ADAM23: variants seen among roughly 807,000 people sequenced by gnomAD.
ADAM23 encodes the protein disintegrin and metalloproteinase domain-containing protein 23.
Under a neutral mutation model 120.1 loss-of-function variants are expected in ADAM23, and 33 were observed. The observed-to-expected ratio is 0.27, with a 90% CI of 0.21 to 0.37. The LOEUF (loss-of-function observed/expected upper bound fraction) is 0.37, where lower values mean the gene tolerates loss of function less well. Among genes scored for constraint, ADAM23 ranks in the 10% least tolerant of loss-of-function variants. ADAM23 has a pLI of 1.00. For synonymous variants in ADAM23, 367 were observed against 375.2 expected, an observed-to-expected ratio of 0.98 and a Z score of 0.25; for missense variants, 862 against 1,058.2, an observed-to-expected ratio of 0.81 and a Z score of 2.57.
At position 206,617,906 on chromosome 2, in the gene ADAM23, C is replaced by T. The variant is rs1318029732; in HGVS notation, c.*279C>T. 6 of 374,468 alleles carry T rather than the reference C, an allele frequency of 1.6e-5. No individual in the cohort carries two copies. The highest frequency in any genetic ancestry group is 8.8e-5 in the South Asian group (1 of 11,398). The allele number at this position is 374,468 out of a possible 1,614,324, so 23.2% of individuals were successfully genotyped here. On this transcript the variant is annotated 3_prime_UTR_variant, in exon 26 of 26. Coordinates refer to ENST00000264377, the MANE Select transcript of ADAM23 (RefSeq NM_003812.4). ...CAGAATCTTTTTTTTCCCTAATGGACGAAGGAACAACACACACACAAAAAT... is the reference window on the plus strand; with the variant it reads ...CAGAATCTTTTTTTTCCCTAATGGATGAAGGAACAACACACACACAAAAAT...
intron 3 of ADAM23, among the ~76,000 whole-genome samples, chr2:206,523,035 A>T (rs1219255534): frequency 6.6e-6 from 1 of 152,128 alleles, no homozygotes; most frequent in Admixed American, 6.5e-5. Flanking sequence ...CCCTCCTCAG[A>T]AGGGAACTCT....
At chr2:206,553,197 G>A (rs2884767) in intron 9 of ADAM23, among the ~76,000 whole-genome samples, 54,050 of 151,906 alleles carry the variant, frequency 0.36, 9,992 homozygotes, top group Admixed American at 0.39. Context: ...GGCCAACATG[G>A]TGAAACCCCA....
intron 5 of ADAM23, among the ~76,000 whole-genome samples, chr2:206,542,663 G>T (rs1478808876): frequency 4.6e-5 from 7 of 152,160 alleles, no homozygotes; most frequent in African/African-American, 1.7e-4. Flanking sequence ...TTTCGGCCAT[G>T]TGACGACAAA....
intron 2 of ADAM23, among the ~76,000 whole-genome samples, chr2:206,453,657 G>A (rs1695240137): frequency 6.6e-6 from 1 of 152,180 alleles, no homozygotes; most frequent in Admixed American, 6.5e-5. Flanking sequence ...GCTAGATCCA[G>A]TTATGTTTTA....
At chr2:206,562,366 A>C in intron 13 of ADAM23, 73 bp downstream of exon 13, 1 of 1,118,668 alleles carries the variant, frequency 8.9e-7, no homozygotes, top group Non-Finnish European at 1.3e-6. Flanking sequence ...GTCAATAAAT[A>C]AATATTTTTC....
intron 18 of ADAM23, among the ~76,000 whole-genome samples, chr2:206,577,057 C>T (rs1056348691): frequency 3.9e-5 from 6 of 152,074 alleles, no homozygotes; most frequent in African/African-American, 1.4e-4. Context: ...ATCCAATGCT[C>T]CACTCATAAG....
Position 206,530,896 on chromosome 2 carries a change from C to T in ADAM23, c.521C>T (p.Ser174Phe). Residue 174 changes from serine (S) to phenylalanine (F), a missense_variant, in exon 4 of 26, where the codon TCT becomes TTT. This residue lies in a region of ADAM23 where 617 missense variants were observed against 813.5 expected (regional missense o/e 0.76). Transcript: ENST00000264377. ...TCTTTCCTTTGTAGTGGTTTGTTGT[C>T]TTCTGATTATGTGGAGATTCACTAC... ...LDLILNNGLL[S>F]SDYVEIHYEN... 1 of 1,613,656 alleles carries T rather than the reference C, an allele frequency of 6.2e-7. No homozygotes were observed. The highest frequency in any genetic ancestry group is 8.5e-7 in the Non-Finnish European group (1 of 1,179,830).
intron 15 of ADAM23, 56 bp from the exon 16 acceptor site, chr2:206,570,684 G>A: frequency 7.0e-7 from 1 of 1,421,290 alleles, no homozygotes; most frequent in Non-Finnish European, 9.9e-7. Flanking sequence ...CAGTTGATGT[G>A]CTGATTTTCT....
chr2:206,570,932 G>T, intron 16 of ADAM23, 121 bp downstream of exon 16: 1 of 801,394 alleles, frequency 1.2e-6, no homozygotes, highest in Non-Finnish European at 2.1e-6. Flanking sequence ...TCATCTCTCT[G>T]ATTAGTGCTT....
chr2:206,464,625 T>A (rs1019299412), intron 2 of ADAM23, among the ~76,000 whole-genome samples: 2 of 151,908 alleles, frequency 1.3e-5, no homozygotes, highest in African/African-American at 4.8e-5. Context: ...AATTTTGTGT[T>A]GAGGCAACAC....
intron 14 of ADAM23, among the ~76,000 whole-genome samples, chr2:206,565,933 A>G (rs1368215964): frequency 2.0e-5 from 3 of 152,072 alleles, no homozygotes; most frequent in African/African-American, 4.8e-5. Context: ...TGTGGGCATG[A>G]AGGTTTGCAC....
intron 2 of ADAM23, among the ~76,000 whole-genome samples, chr2:206,477,897 A>ATATATATATATAT (rs1553548673): frequency 6.7e-4 from 63 of 93,502 alleles, no homozygotes; most frequent in Middle Eastern, 6.0e-3. Flanking sequence ...AAAAAAAAAA[A>ATATATATATATAT]ATATATATAT....
intron 18 of ADAM23, among the ~76,000 whole-genome samples, chr2:206,574,475 T>G (rs545389767): frequency 3.3e-5 from 5 of 152,104 alleles, no homozygotes; most frequent in African/African-American, 1.2e-4. Flanking sequence ...TTAGTTATCT[T>G]TATATGATTT....
intron 16 of ADAM23, among the ~76,000 whole-genome samples, 173 bp from the exon 17 acceptor site, chr2:206,571,554 C>A (rs1169744817): frequency 1.3e-5 from 2 of 152,114 alleles, no homozygotes; most frequent in Non-Finnish European, 2.9e-5. Flanking sequence ...ACTTTGGTGA[C>A]AAGTATGGCA....
At position 206,585,375 on chromosome 2, in the gene ADAM23, A is replaced by G. The variant is rs541885202; in HGVS notation, c.1738-1950A>G. 1.1e-3 allele frequency among the ~76,000 whole-genome samples: 167 copies of G among 152,300 alleles called. 1 individual carries two copies. Among genetic ancestry groups the G allele is most frequent in the East Asian group, 9.6e-4 (5 of 5,192 alleles). On this transcript the variant is annotated intron_variant, in intron 18 of 25. Transcript: ENST00000264377. ...GATTTCTGCTCTTGTGTAGTTGTGT[A>G]TTTCTGCTTTTTACTGCTGATCCCT...
At chr2:206,487,200 T>A (rs1696032227) in intron 3 of ADAM23, among the ~76,000 whole-genome samples, 1 of 152,142 alleles carries the variant, frequency 6.6e-6, no homozygotes, top group South Asian at 2.1e-4. Flanking sequence ...TGCGCTGAGA[T>A]GTTGGGGGAT....
At chr2:206,515,931 A>C (rs1350385847) in intron 3 of ADAM23, among the ~76,000 whole-genome samples, 3 of 151,986 alleles carry the variant, frequency 2.0e-5, no homozygotes, top group Non-Finnish European at 4.4e-5. Context: ...CAAAATTTTT[A>C]ATGTCAGAAT....
At chr2:206,463,667 T>G (rs1352718131) in intron 2 of ADAM23, among the ~76,000 whole-genome samples, 1 of 152,204 alleles carries the variant, frequency 6.6e-6, no homozygotes, top group Non-Finnish European at 1.5e-5. Context: ...CTGAGCCTGT[T>G]CAGCTCAGGA....
chr2:206,594,711 T>C (rs768645473), intron 22 of ADAM23, 26 bp from the exon 23 acceptor site: 14 of 1,613,400 alleles, frequency 8.7e-6, no homozygotes, highest in African/African-American at 2.7e-5. Context: ...GTGCAAATAG[T>C]TATATGGGTA....
Sources: gnomAD v4.1 joint callset for allele counts (sites outside exome capture counted in the v4.1 genomes callset) on GRCh38, gnomAD v4.1.1 for gene constraint, gnomAD v4.1.1 regional missense constraint, MANE v1.5 for transcripts, NCBI Gene and HGNC (gene_info 2026-07-23, HGNC 2026-07-21) for gene names.